The following ZNRF2 variants were observed in gnomAD, a reference collection of about 807,000 sequenced individuals.
ZNRF2 encodes the protein zinc and ring finger 2.
In ZNRF2, 16 loss-of-function variants were observed where a neutral mutation model predicts 20.4. The ratio of observed to expected loss-of-function variants is 0.79; its 90% CI spans 0.53 to 1.19. The LOEUF is 1.19. Among genes scored for constraint, ZNRF2 ranks in the 50% most tolerant of loss-of-function variants. The pLI, the probability that ZNRF2 is intolerant of heterozygous loss-of-function variation, is 0.00. For missense variants in ZNRF2, 363 were observed against 332.4 expected, an observed-to-expected ratio of 1.09 and a Z score of -0.72; for synonymous variants, 178 against 144.9, an observed-to-expected ratio of 1.23 and a Z score of -1.64.
chr7:30,320,578 A>G (rs748217522), intron 1 of ZNRF2, among the ~76,000 whole-genome samples: 5 of 152,208 alleles, frequency 3.3e-5, no homozygotes, highest in Non-Finnish European at 5.9e-5. Context: ...ATTCATAATG[A>G]AACTCGGTGG....
At chr7:30,355,084 CT>C (rs1800016012) in intron 2 of ZNRF2, among the ~76,000 whole-genome samples, 2 of 152,070 alleles carry the variant, frequency 1.3e-5, no homozygotes, top group South Asian at 4.1e-4. Context: ...CCTGCAGATC[CT>C]TTTGGAAGCC....
chr7:30,324,282 C>T (rs1799518672), intron 2 of ZNRF2, among the ~76,000 whole-genome samples: 1 of 151,670 alleles, frequency 6.6e-6, no homozygotes, highest in Non-Finnish European at 1.5e-5. Context: ...ACCTGTAATC[C>T]CAGCACTTTG....
chr7:30,335,107 A>G (rs1241392475), intron 2 of ZNRF2, among the ~76,000 whole-genome samples: 1 of 152,080 alleles, frequency 6.6e-6, no homozygotes, highest in East Asian at 1.9e-4. Context: ...TTGAGGTTCT[A>G]TTTCTGATTT....
rs948465325 is a variant in ZNRF2, at chr7:30,366,509, A to G, written c.*497A>G. The G allele has an allele frequency of 3.9e-5, 6 of 152,554 alleles. No homozygotes were observed. Among genetic ancestry groups the G allele is most frequent in the Admixed American group, 2.6e-4 (4 of 15,272 alleles). The allele number at this position is 152,554 out of a possible 1,614,324, so 9.5% of individuals were successfully genotyped here. ...TTGAAAAACATATAATTTACTTCTT[A>G]TAAATTGAAGTCTTAAATGTGAAAC... On this transcript the variant is annotated 3_prime_UTR_variant, in exon 5 of 5. Coordinates refer to ENST00000323037, the MANE Select transcript of ZNRF2 (RefSeq NM_147128.4).
chr7:30,310,375 G>GT (rs1799273425), intron 1 of ZNRF2, among the ~76,000 whole-genome samples: 1 of 152,162 alleles, frequency 6.6e-6, no homozygotes, highest in Non-Finnish European at 1.5e-5. Context: ...ATTTTGAACA[G>GT]TTCTTAAAGA....
intron 2 of ZNRF2, among the ~76,000 whole-genome samples, chr7:30,349,811 T>C (rs1799937100): frequency 6.6e-6 from 1 of 152,178 alleles, no homozygotes; most frequent in African/African-American, 2.4e-5. Flanking sequence ...AAGTATACTT[T>C]ATTCTATTTT....
intron 2 of ZNRF2, among the ~76,000 whole-genome samples, chr7:30,326,182 A>T (rs1472124723): frequency 6.6e-6 from 1 of 152,164 alleles, no homozygotes; most frequent in African/African-American, 2.4e-5. Flanking sequence ...CAGGTTTGTT[A>T]TATAGGTAAA....
intron 1 of ZNRF2, among the ~76,000 whole-genome samples, chr7:30,313,315 T>G (rs1355838960): frequency 6.6e-6 from 1 of 152,218 alleles, no homozygotes; most frequent in Non-Finnish European, 1.5e-5. Context: ...TTAAACCTTT[T>G]TTCTCTTCAT....
At chr7:30,316,140 T>C (rs889012759) in intron 1 of ZNRF2, among the ~76,000 whole-genome samples, 1 of 151,352 alleles carries the variant, frequency 6.6e-6, no homozygotes. Context: ...AATACAAAAT[T>C]AGCTGGGCTT....
chr7:30,326,421 G>A (rs1311362438), intron 2 of ZNRF2, among the ~76,000 whole-genome samples: 2 of 152,158 alleles, frequency 1.3e-5, no homozygotes, highest in Non-Finnish European at 2.9e-5. Flanking sequence ...GTTTGCTGAG[G>A]ATAATGGCCT....
At chr7:30,337,567 G>A (rs1162235618) in intron 2 of ZNRF2, among the ~76,000 whole-genome samples, 3 of 152,080 alleles carry the variant, frequency 2.0e-5, no homozygotes. Context: ...AAGTAGGCAT[G>A]TCTGTTCTTT....
At chr7:30,338,328 T>G (rs1799747266) in intron 2 of ZNRF2, among the ~76,000 whole-genome samples, 1 of 151,868 alleles carries the variant, frequency 6.6e-6, no homozygotes, top group South Asian at 2.1e-4. Context: ...AACACACAGG[T>G]TTGTTACATA....
intron 3 of ZNRF2, 82 bp downstream of exon 3, chr7:30,355,915 C>A (rs144892006): frequency 5.2e-6 from 5 of 959,296 alleles, no homozygotes; most frequent in South Asian, 1.5e-5. Context: ...AAGGAATCTT[C>A]GTTGAAACCA....
intron 2 of ZNRF2, among the ~76,000 whole-genome samples, chr7:30,337,850 C>T (rs1799739394): frequency 6.6e-6 from 1 of 151,908 alleles, no homozygotes; most frequent in African/African-American, 2.4e-5. Flanking sequence ...AAAGTATGCC[C>T]AGTGAAAACT....
rs1798769006 is a variant in ZNRF2, at chr7:30,285,636, G to A, written c.279G>A (p.Gly93=). ...GGGCCGTGGGGAGCGTGGCGTCGGG[G>A]GCCCGCGCGGCGCAGTCCCCCTTCA... ...LGGAVGSVAS[G]ARAAQSPFSI... Residue 93 remains glycine (G), a synonymous_variant, in exon 1 of 5, where the codon GGG becomes GGA. Coordinates refer to ENST00000323037, the MANE Select transcript of ZNRF2 (RefSeq NM_147128.4). 12 of 1,269,322 alleles carry A rather than the reference G, an allele frequency of 9.5e-6. No homozygotes were observed. The highest frequency in any genetic ancestry group is 1.2e-5 in the Non-Finnish European group (12 of 1,011,274). The allele number at this position is 1,269,322 out of a possible 1,614,324, so 78.6% of individuals were successfully genotyped here. A position where few individuals can be genotyped will look rare whatever the true frequency, so the allele number is the denominator to read the frequency against.
At chr7:30,338,620 G>A (rs1245534353) in intron 2 of ZNRF2, among the ~76,000 whole-genome samples, 2 of 151,936 alleles carry the variant, frequency 1.3e-5, no homozygotes, top group African/African-American at 4.8e-5. Flanking sequence ...CTTTTTTATG[G>A]CTCCATAGTA....
At chr7:30,326,954 C>T (rs949674071) in intron 2 of ZNRF2, among the ~76,000 whole-genome samples, 2 of 151,956 alleles carry the variant, frequency 1.3e-5, no homozygotes, top group African/African-American at 4.8e-5. Flanking sequence ...GTGTTCATCT[C>T]CTTTGCACAT....
intron 2 of ZNRF2, among the ~76,000 whole-genome samples, chr7:30,333,285 C>G (rs930569321): frequency 6.6e-6 from 1 of 151,500 alleles, no homozygotes; most frequent in African/African-American, 2.4e-5. Context: ...AACTCCTGAC[C>G]TCAGGTGATC....
rs1800231232 is a variant in ZNRF2 at position 30,367,282 on chromosome 7, A to G, written c.*1270A>G. The G allele has an allele frequency of 6.6e-6, 1 of 152,486 alleles. No homozygotes were observed. Among genetic ancestry groups the G allele is most frequent in the Non-Finnish European group, 1.5e-5 (1 of 67,922 alleles). The allele number at this position is 152,486 out of a possible 1,614,324, so 9.4% of individuals were successfully genotyped here. A position where few individuals can be genotyped will look rare whatever the true frequency, so the allele number is the denominator to read the frequency against. On this transcript the variant is annotated 3_prime_UTR_variant, in exon 5 of 5. Transcript: ENST00000323037. ...AAATGTGTTAAACAAAATTATGTTA[A>G]TAAATATTCCCACATAATACATCTG...
Sources: gnomAD v4.1 joint callset for allele counts (sites outside exome capture counted in the v4.1 genomes callset) on GRCh38, gnomAD v4.1.1 for gene constraint, MANE v1.5 for transcripts, NCBI Gene and HGNC (gene_info 2026-07-23, HGNC 2026-07-21) for gene names.